The following GPC6 variants were observed in gnomAD, a reference collection of about 807,000 sequenced individuals.
GPC6 encodes glypican-6.
A neutral mutation model predicts 55.2 loss-of-function variants in GPC6; 14 were observed. The ratio of observed to expected loss-of-function variants is 0.25; its 90% confidence interval spans 0.17 to 0.40. The LOEUF is 0.40. GPC6 is among the 10% of genes least tolerant of loss of function. The pLI is 1.00. For missense variants in GPC6, 641 were observed against 708.5 expected (o/e 0.90, Z 1.08); for synonymous variants, 278 against 259.6 (o/e 1.07, Z -0.68).
intron 6 of GPC6, among the ~76,000 whole-genome samples, chr13:94,313,644 G>A (rs949396628): frequency 1.3e-5 from 2 of 152,176 alleles, no homozygotes; most frequent in Non-Finnish European, 2.9e-5. Flanking sequence ...TTCTGACAAC[G>A]AAATAATGTT....
chr13:93,729,708 A>C (rs1362354570), intron 2 of GPC6, among the ~76,000 whole-genome samples: 2 of 152,158 alleles, frequency 1.3e-5, no homozygotes. Context: ...CAACCATCCT[A>C]GTTCTAGATA....
chr13:93,856,825 C>G (rs952582014), intron 3 of GPC6, among the ~76,000 whole-genome samples: 1 of 151,578 alleles, frequency 6.6e-6, no homozygotes, highest in Non-Finnish European at 1.5e-5. Flanking sequence ...CTTGCTACAT[C>G]ATTAGCTGAC....
At chr13:94,089,058 A>G (rs1322354561) in intron 4 of GPC6, among the ~76,000 whole-genome samples, 2 of 152,182 alleles carry the variant, frequency 1.3e-5, no homozygotes, top group African/African-American at 4.8e-5. Context: ...TACTTAATAA[A>G]GGACATGAAA....
chr13:93,779,145 C>G (rs1885558361), intron 2 of GPC6, among the ~76,000 whole-genome samples: 1 of 152,126 alleles, frequency 6.6e-6, no homozygotes, highest in African/African-American at 2.4e-5. Flanking sequence ...ATTTATATCA[C>G]TTTCTATGCC....
intron 3 of GPC6, among the ~76,000 whole-genome samples, chr13:94,022,610 G>A (rs899659542): frequency 6.6e-6 from 1 of 152,000 alleles, no homozygotes; most frequent in South Asian, 2.1e-4. Context: ...AACCAGAAAA[G>A]GGATTACTGG....
chr13:93,759,723 A>G (rs999192567), intron 2 of GPC6, among the ~76,000 whole-genome samples: 2 of 152,156 alleles, frequency 1.3e-5, no homozygotes. Flanking sequence ...CTTAAAAACT[A>G]TAGTAATATC....
chr13:93,566,515 T>A (rs538369813), intron 2 of GPC6, among the ~76,000 whole-genome samples: 74 of 151,914 alleles, frequency 4.9e-4, no homozygotes, highest in African/African-American at 1.5e-3. Flanking sequence ...AATCTAGTTG[T>A]CAAGTTGGAG....
intron 1 of GPC6, among the ~76,000 whole-genome samples, chr13:93,400,249 C>A (rs950175067): frequency 6.6e-6 from 1 of 151,958 alleles, no homozygotes; most frequent in African/African-American, 2.4e-5. Flanking sequence ...TCCTTCCTTT[C>A]CTTTTCTTCT....
rs147037717 is a variant in GPC6, at chr13:93,651,454, C to T, written c.319+106033C>T. On this transcript the variant is annotated intron_variant, in intron 2 of 8. Transcript: ENST00000377047. ...AGGCCTTGGAAGCAACCACAACCAGCGACTTACATGTCACCTTTCTCCTTT... is the reference window on the plus strand; with the variant it reads ...AGGCCTTGGAAGCAACCACAACCAGTGACTTACATGTCACCTTTCTCCTTT... Among the ~76,000 whole-genome samples the T allele has an allele frequency of 5.4e-3, 829 of 152,176 alleles. 10 individuals carry two copies. Among genetic ancestry groups the T allele is most frequent in the African/African-American group, 0.019 (771 of 41,512 alleles).
chr13:93,884,713 A>G (rs1875214828), intron 3 of GPC6, among the ~76,000 whole-genome samples: 1 of 152,080 alleles, frequency 6.6e-6, no homozygotes, highest in South Asian at 2.1e-4. Flanking sequence ...ATTTATTTTA[A>G]ACGTCCCTCC....
intron 4 of GPC6, among the ~76,000 whole-genome samples, chr13:94,212,885 C>T (rs572579184): frequency 2.0e-5 from 3 of 152,346 alleles, no homozygotes; most frequent in East Asian, 3.9e-4. Context: ...GGGCCGGGCA[C>T]GGTGGCTCAC....
At chr13:94,075,024 T>C (rs911015232) in intron 4 of GPC6, among the ~76,000 whole-genome samples, 1 of 152,108 alleles carries the variant, frequency 6.6e-6, no homozygotes, top group East Asian at 1.9e-4. Context: ...AATTTTTTTT[T>C]ATACTCATTA....
At chr13:93,637,312 C>A (rs1879740307) in intron 2 of GPC6, among the ~76,000 whole-genome samples, 2 of 151,952 alleles carry the variant, frequency 1.3e-5, no homozygotes, top group South Asian at 4.1e-4. Context: ...TATTTGTGCT[C>A]CTTGGAAGAC....
intron 2 of GPC6, among the ~76,000 whole-genome samples, chr13:93,663,542 A>G (rs1416579877): frequency 6.6e-6 from 1 of 152,200 alleles, no homozygotes; most frequent in Admixed American, 6.5e-5. Flanking sequence ...TCCGTCTCTG[A>G]ATAATAATGG....
intron 3 of GPC6, among the ~76,000 whole-genome samples, chr13:94,019,453 G>A (rs1304352215): frequency 6.6e-6 from 1 of 152,182 alleles, no homozygotes; most frequent in African/African-American, 2.4e-5. Flanking sequence ...TCGGAACTCA[G>A]GTTGTCAGGT....
chr13:93,953,892 A>G (rs1372869342), intron 3 of GPC6, among the ~76,000 whole-genome samples: 1 of 152,200 alleles, frequency 6.6e-6, no homozygotes, highest in Non-Finnish European at 1.5e-5. Flanking sequence ...ATATATGGTT[A>G]TCTTTAATTG....
intron 6 of GPC6, among the ~76,000 whole-genome samples, chr13:94,311,815 C>G (rs1348654587): frequency 6.6e-6 from 1 of 151,992 alleles, no homozygotes; most frequent in Non-Finnish European, 1.5e-5. Context: ...GAGAAGGGGA[C>G]AGGGAAGACA....
chr13:93,749,870 A>G (rs1016765937), intron 2 of GPC6, among the ~76,000 whole-genome samples: 16 of 152,140 alleles, frequency 1.1e-4, no homozygotes, highest in African/African-American at 3.9e-4. Context: ...TAAAATCACT[A>G]TATTTTGGAG....
chr13:93,306,149 TTTTC>T, intron 1 of GPC6, among the ~76,000 whole-genome samples: 1 of 152,312 alleles, frequency 6.6e-6, no homozygotes, highest in African/African-American at 2.4e-5. Flanking sequence ...ATTGACATCT[TTTTC>T]TTGTTAAAAA....
Sources: gnomAD v4.1 joint callset for allele counts (sites outside exome capture counted in the v4.1 genomes callset) on GRCh38, gnomAD v4.1.1 for gene constraint, MANE v1.5 for transcripts, NCBI Gene and HGNC (gene_info 2026-07-23, HGNC 2026-07-21) for gene names.